The following JADE2 variants were observed in gnomAD, a reference collection of about 807,000 sequenced individuals.
The protein encoded by JADE2 is E3 ubiquitin-protein ligase Jade-2.
JADE2 carries 13 observed loss-of-function variants against 85.7 expected under a neutral mutation model. The observed-to-expected ratio is 0.15, with a 90% CI of 0.10 to 0.24. The LOEUF (loss-of-function observed/expected upper bound fraction) is 0.24, where lower values mean the gene tolerates loss of function less well. JADE2 is among the 10% of genes least tolerant of loss of function. The pLI, the probability that JADE2 is intolerant of heterozygous loss-of-function variation, is 1.00. For synonymous variants in JADE2, 440 were observed against 456.1 expected (o/e 0.96, Z 0.45); for missense variants, 846 against 1,115.9 (o/e 0.76, Z 3.45).
intron 8 of JADE2, among the ~76,000 whole-genome samples, chr5:134,565,513 G>T: frequency 6.6e-6 from 1 of 152,280 alleles, no homozygotes; most frequent in East Asian, 1.9e-4. Flanking sequence ...CCTTTCTCTT[G>T]ATGCTCTGTG....
At chr5:134,549,199 A>G (rs1289841319) in intron 3 of JADE2, among the ~76,000 whole-genome samples, 11 of 152,222 alleles carry the variant, frequency 7.2e-5, no homozygotes. Flanking sequence ...GTTGGTGATC[A>G]GGAAGGAATC....
chr5:134,576,455 A>G (rs1764371451), intron 10 of JADE2, among the ~76,000 whole-genome samples: 1 of 152,136 alleles, frequency 6.6e-6, no homozygotes, highest in South Asian at 2.1e-4. Flanking sequence ...TGCCCTGTCC[A>G]GACTCCCTTC....
At chr5:134,538,690 T>C (rs951418164) in intron 3 of JADE2, among the ~76,000 whole-genome samples, 1 of 152,114 alleles carries the variant, frequency 6.6e-6, no homozygotes, top group African/African-American at 2.4e-5. Flanking sequence ...TGGACCCTCC[T>C]TCTGGGGTCC....
chr5:134,539,197 G>T (rs1476905958), intron 3 of JADE2, among the ~76,000 whole-genome samples: 1 of 152,032 alleles, frequency 6.6e-6, no homozygotes, highest in Non-Finnish European at 1.5e-5. Flanking sequence ...GAGTGGCTGG[G>T]ACTACAGGCG....
At position 134,525,816 on chromosome 5, in the gene JADE2, C is replaced by T. The variant is rs922232308; in HGVS notation, c.-196C>T. The T allele has an allele frequency of 6.9e-6, 7 of 1,012,308 alleles. No individual in the cohort carries two copies. In the East Asian group the frequency reaches 4.4e-4, roughly 64 times the overall value. The allele number at this position is 1,012,308 out of a possible 1,614,324, so 62.7% of individuals were successfully genotyped here. On this transcript the variant is annotated 5_prime_UTR_variant, in exon 1 of 12. Coordinates refer to ENST00000681547, the MANE Select transcript of JADE2 (RefSeq NM_001388185.1). ...GCTTAGGTCCTGCGGGCCGACCGTC[C>T]CCGGCGGGGGGCGTGGGGCCTGGGA...
At chr5:134,564,816 A>G (rs1763539417) in intron 8 of JADE2, among the ~76,000 whole-genome samples, 1 of 152,138 alleles carries the variant, frequency 6.6e-6, no homozygotes, top group Admixed American at 6.5e-5. Flanking sequence ...GTGGGAACAG[A>G]CCCGGGGAAC....
intron 7 of JADE2, among the ~76,000 whole-genome samples, chr5:134,563,796 C>A (rs1393544704): frequency 6.6e-6 from 1 of 152,208 alleles, no homozygotes; most frequent in Non-Finnish European, 1.5e-5. Flanking sequence ...AGAGACAGAA[C>A]CAACAGGGAC....
intron 9 of JADE2, among the ~76,000 whole-genome samples, chr5:134,571,142 G>C (rs1319741738): frequency 2.0e-5 from 3 of 152,222 alleles, no homozygotes; most frequent in Non-Finnish European, 4.4e-5. Flanking sequence ...GCGGACATCT[G>C]TCTGGCCTCT....
At position 134,560,855 on chromosome 5, in the gene JADE2, C is replaced by T. The variant is rs1418502078; in HGVS notation, c.582C>T (p.Ile194=). 2.5e-6 allele frequency: 4 copies of T among 1,614,234 alleles called. No homozygotes were observed. Among genetic ancestry groups the T allele is most frequent in the South Asian group, 1.1e-5 (1 of 91,090 alleles). Reference sequence around the variant, plus strand: ...TTGAGACGCAGGAGGGGCTGGGCATCGAGTACGACGAGGATGTTGTCTGCG... The same window carrying T: ...TTGAGACGCAGGAGGGGCTGGGCATTGAGTACGACGAGGATGTTGTCTGCG... The part of the protein sequence containing the change: ...RAIETQEGLG[I]EYDEDVVCDV... Residue 194 remains isoleucine (I), a synonymous_variant, in exon 6 of 12, where the codon ATC becomes ATT. Coordinates refer to ENST00000681547, the MANE Select transcript of JADE2 (RefSeq NM_001388185.1).
intron 2 of JADE2, among the ~76,000 whole-genome samples, chr5:134,536,225 A>G (rs1042678780): frequency 1.3e-5 from 2 of 152,134 alleles, no homozygotes; most frequent in African/African-American, 4.8e-5. Context: ...TATTAAGTGA[A>G]GGTCCATATA....
chr5:134,528,180 G>A (rs542700590), intron 1 of JADE2, among the ~76,000 whole-genome samples: 4 of 152,160 alleles, frequency 2.6e-5, no homozygotes, highest in Non-Finnish European at 5.9e-5. Context: ...GGAGGTGGTA[G>A]GGCCGCCTGG....
intron 11 of JADE2, among the ~76,000 whole-genome samples, chr5:134,577,960 C>T (rs574270354): frequency 5.9e-5 from 9 of 152,314 alleles, no homozygotes; most frequent in Non-Finnish European, 8.8e-5. Flanking sequence ...AAAGACTGAG[C>T]GCCCTCTGGC....
chr5:134,572,502 C>T (rs918473299), intron 9 of JADE2, among the ~76,000 whole-genome samples: 1 of 152,204 alleles, frequency 6.6e-6, no homozygotes, highest in African/African-American at 2.4e-5. Context: ...CCAGAGGTCA[C>T]CCCAGCTTAA....
intron 4 of JADE2, 80 bp downstream of exon 4, chr5:134,552,289 C>A: frequency 7.6e-7 from 1 of 1,314,398 alleles, no homozygotes; most frequent in Non-Finnish European, 1.0e-6. Context: ...GGTGACCTGC[C>A]AGTCCTGGAA....
At chr5:134,533,998 G>A (rs1042830800) in intron 1 of JADE2, among the ~76,000 whole-genome samples, 2 of 152,008 alleles carry the variant, frequency 1.3e-5, no homozygotes, top group Non-Finnish European at 2.9e-5. Flanking sequence ...CTCCAGCCCC[G>A]GCCTCCCAAA....
chr5:134,573,181 T>G (rs1198834320), intron 9 of JADE2, among the ~76,000 whole-genome samples: 1 of 152,236 alleles, frequency 6.6e-6, no homozygotes, highest in Admixed American at 6.5e-5. Flanking sequence ...AGAATTTCTT[T>G]GCTGGGAAAG....
chr5:134,580,440 T>A lies in JADE2; in HGVS notation c.*1123T>A, dbSNP rs543756198. 1 of 28,728 alleles carries A rather than the reference T, an allele frequency of 3.5e-5. No individual in the cohort carries two copies. The highest frequency in any genetic ancestry group is 1.5e-3 in the South Asian group (1 of 668). The allele number at this position is 28,728 out of a possible 1,614,324, so 1.8% of individuals were successfully genotyped here. On this transcript the variant is annotated 3_prime_UTR_variant, in exon 12 of 12. Transcript: ENST00000681547. ...CGCACAGCCATCCCCCCCCCCGTCC[T>A]GCCATCCCCCCCCGCCGTCCTGCCT...
In JADE2 at chr5:134,564,623, C is replaced by T. The variant is rs1763527244; in HGVS notation, c.969+13C>T. On this transcript the variant is annotated intron_variant, in intron 8 of 11. Transcript: ENST00000681547. ...CACCTGCATCCAGGTATGTGGCCTA[C>T]TTCACCTCCTGCTGCCAGGAGCTGG... is the stretch of plus-strand genomic sequence containing the variant. 1 of 1,495,852 alleles carries T rather than the reference C, an allele frequency of 6.7e-7. No homozygotes were observed. The highest frequency in any genetic ancestry group is 9.0e-7 in the Non-Finnish European group (1 of 1,106,946). 92.7% of individuals were successfully genotyped at this position (1,495,852 alleles called of 1,614,324 possible).
chr5:134,572,334 A>T (rs59246141), intron 9 of JADE2, among the ~76,000 whole-genome samples: 1 of 152,198 alleles, frequency 6.6e-6, no homozygotes, highest in East Asian at 1.9e-4. Context: ...TGCAGAGCAC[A>T]TCGTGTGGAG....
Sources: allele counts gnomAD v4.1 joint callset (sites outside exome capture counted in the v4.1 genomes callset), GRCh38; gene constraint gnomAD v4.1.1; transcripts MANE v1.5; gene names NCBI Gene and HGNC (gene_info 2026-07-23, HGNC 2026-07-21).